Variants in KCNG2 observed in about 807,000 individuals in gnomAD.
The protein encoded by KCNG2 is voltage-gated potassium channel regulatory subunit KCNG2.
In KCNG2, 7 loss-of-function variants were observed where a neutral mutation model predicts 12.3. The observed-to-expected ratio is 0.57, with a 90% CI of 0.32 to 1.07. KCNG2 has a LOEUF of 1.07. KCNG2 is among the 50% of genes least tolerant of loss of function. The pLI, the probability that KCNG2 is intolerant of heterozygous loss-of-function variation, is 0.04. For missense variants in KCNG2, 703 were observed against 726.0 expected (o/e 0.97, Z 0.36); for synonymous variants, 414 against 351.4 (o/e 1.18, Z -1.99).
At chr18:79,852,609 G>T (rs541411472) in intron 1 of KCNG2, among the ~76,000 whole-genome samples, 1 of 152,248 alleles carries the variant, frequency 6.6e-6, no homozygotes, top group African/African-American at 2.4e-5. Flanking sequence ...TGACAGTGAC[G>T]ATCGCATTCC....
chr18:79,870,727 G>A (rs934782373), intron 3 of KCNG2, among the ~76,000 whole-genome samples: 29 of 152,206 alleles, frequency 1.9e-4, no homozygotes, highest in South Asian at 2.1e-4. Flanking sequence ...AGTATAATTA[G>A]TTATAGATTT....
chr18:79,863,432 G>A (rs957318908), intron 2 of KCNG2, among the ~76,000 whole-genome samples, 196 bp from the exon 3 acceptor site: 2 of 152,238 alleles, frequency 1.3e-5, no homozygotes, highest in Non-Finnish European at 2.9e-5. Flanking sequence ...GGCGGGGTCC[G>A]CTGGACGCTT....
rs1979315148 is a variant in KCNG2 at position 79,863,688 on chromosome 18, C to T, written c.21C>T (p.Ser7=). The change falls in exon 3 of 4, where the codon TCC becomes TCT. Residue 7 remains serine (S), a synonymous_variant. Transcript: ENST00000316249. MEPWPC[S]PGGGGGTRAR... ...TGCGCATGGAGCCATGGCCCTGCTC[C>T]CCGGGCGGCGGCGGCGGGACCCGCG... 3.4e-6 allele frequency: 4 copies of T among 1,186,566 alleles called. No homozygotes were observed. Among genetic ancestry groups the T allele is most frequent in the Admixed American group, 4.8e-5 (1 of 20,940 alleles). 73.5% of individuals were successfully genotyped at this position (1,186,566 alleles called of 1,614,324 possible). A position where few individuals can be genotyped will look rare whatever the true frequency, so the allele number is the denominator to read the frequency against.
At chr18:79,826,399 A>C (rs1337259547) in intron 1 of KCNG2, among the ~76,000 whole-genome samples, 1 of 152,240 alleles carries the variant, frequency 6.6e-6, no homozygotes, top group African/African-American at 2.4e-5. Flanking sequence ...TGCCCACCGC[A>C]CGAAGCTTCA....
chr18:79,899,792 G>C lies in KCNG2; in HGVS notation c.1377G>C (p.Ala459=). The C allele has an allele frequency of 1.4e-6, 2 of 1,439,068 alleles. No homozygotes were observed. The highest frequency in any genetic ancestry group is 9.1e-7 in the Non-Finnish European group (1 of 1,104,798). 89.1% of individuals were successfully genotyped at this position (1,439,068 alleles called of 1,614,324 possible). A position where few individuals can be genotyped will look rare whatever the true frequency, so the allele number is the denominator to read the frequency against. The part of the protein sequence containing the change: ...SAGLADDSAD[A]LWVRAGR ...GCCTGGCCGACGACTCCGCGGATGCGCTGTGGGTGCGGGCAGGGCGCTGAC... is the reference window on the plus strand; with the variant it reads ...GCCTGGCCGACGACTCCGCGGATGCCCTGTGGGTGCGGGCAGGGCGCTGAC... Residue 459 remains alanine, a synonymous_variant, in exon 4 of 4, where the codon GCG becomes GCC. Coordinates refer to ENST00000316249, the MANE Select transcript of KCNG2 (RefSeq NM_012283.2).
At chr18:79,842,195 G>A (rs1291244814) in intron 1 of KCNG2, among the ~76,000 whole-genome samples, 5 of 152,118 alleles carry the variant, frequency 3.3e-5, no homozygotes, top group African/African-American at 4.8e-5. Context: ...CCCAGATACC[G>A]CCTACTCATG....
intron 1 of KCNG2, among the ~76,000 whole-genome samples, chr18:79,811,435 T>C (rs1041809256): frequency 6.6e-6 from 1 of 152,238 alleles, no homozygotes; most frequent in East Asian, 1.9e-4. Context: ...TGTGGTCAGC[T>C]GACTTTTGAT....
chr18:79,871,134 G>A (rs540128119), intron 3 of KCNG2, among the ~76,000 whole-genome samples: 1 of 152,328 alleles, frequency 6.6e-6, no homozygotes, highest in Admixed American at 6.5e-5. Flanking sequence ...GCACTGGGGA[G>A]GGTCAGCCTT....
intron 3 of KCNG2, among the ~76,000 whole-genome samples, chr18:79,890,303 T>A (rs982253642): frequency 6.6e-6 from 1 of 152,146 alleles, no homozygotes; most frequent in African/African-American, 2.4e-5. Flanking sequence ...ATGAATAAAA[T>A]TTTTTTAATT....
intron 3 of KCNG2, among the ~76,000 whole-genome samples, chr18:79,887,379 G>A (rs1397600588): frequency 6.6e-6 from 1 of 152,020 alleles, no homozygotes; most frequent in Non-Finnish European, 1.5e-5. Flanking sequence ...TCAGAGCCAC[G>A]GGGCTGCCTT....
intron 3 of KCNG2, among the ~76,000 whole-genome samples, chr18:79,870,063 C>T (rs537976484): frequency 4.6e-5 from 7 of 152,336 alleles, no homozygotes; most frequent in African/African-American, 1.4e-4. Context: ...GGGCACCGCT[C>T]GTGCTCCCCA....
At chr18:79,805,412 G>A (rs2087441814) in intron 1 of KCNG2, among the ~76,000 whole-genome samples, 1 of 152,222 alleles carries the variant, frequency 6.6e-6, no homozygotes, top group Non-Finnish European at 1.5e-5. Flanking sequence ...CGGCACCTGC[G>A]GAGCTTCCTC....
Position 79,863,669 on chromosome 18 carries a change from T to TGGAGCC in KCNG2, c.3_8dup (p.Glu2_Pro3dup). ...CCTCGGTCCGGTCCGGCCCTGCGCA[T>TGGAGCC]GGAGCCATGGCCCTGCTCCCCGGGC... On this transcript the variant is annotated inframe_insertion, in exon 3 of 4. Transcript: ENST00000316249. 4.1e-6 allele frequency: 5 copies of TGGAGCC among 1,209,340 alleles called. No homozygotes were observed. Among genetic ancestry groups the TGGAGCC allele is most frequent in the Non-Finnish European group, 4.1e-6 (4 of 972,804 alleles). The allele number at this position is 1,209,340 out of a possible 1,614,324, so 74.9% of individuals were successfully genotyped here.
At chr18:79,879,396 T>TG (rs1980205020) in intron 3 of KCNG2, among the ~76,000 whole-genome samples, 1 of 151,914 alleles carries the variant, frequency 6.6e-6, no homozygotes, top group Non-Finnish European at 1.5e-5. Context: ...AGGATAGACA[T>TG]GGGGCTTGGG....
At position 79,899,009 on chromosome 18, in the gene KCNG2, G is replaced by GC. The variant is rs780906367; in HGVS notation, c.625-26dup. The GC allele has an allele frequency of 8.2e-6, 12 of 1,464,634 alleles. No individual in the cohort carries two copies. In the Middle Eastern group the frequency reaches 5.6e-4, roughly 68 times the overall value. The allele number at this position is 1,464,634 out of a possible 1,614,324, so 90.7% of individuals were successfully genotyped here. Reference sequence around the variant, plus strand: ...GCCCCCGGCCCTCCAAGAGGCCTGCGCCCCCAACCCCGTGTCCCCTCTCCC... The same window carrying GC: ...GCCCCCGGCCCTCCAAGAGGCCTGCGCCCCCCAACCCCGTGTCCCCTCTCCC... On this transcript the variant is annotated intron_variant, in intron 3 of 3. Coordinates refer to ENST00000316249, the MANE Select transcript of KCNG2 (RefSeq NM_012283.2).
In KCNG2 at chr18:79,803,456, G is replaced by C. The variant is rs2087426395; in HGVS notation, c.-115+5442G>C. 6.6e-6 allele frequency among the ~76,000 whole-genome samples: 1 copy of C among 152,246 alleles called. No homozygotes were observed. The highest frequency in any genetic ancestry group is 1.5e-5 in the Non-Finnish European group (1 of 68,050). On this transcript the variant is annotated intron_variant, in intron 1 of 3. Transcript: ENST00000316249. The surrounding 1 kb of genome is among the most constrained non-coding windows in gnomAD (Gnocchi z 4.5). ...CTAGAAGAGGGAAGATAGGAAATAT[G>C]TATCATTGGCTTCTTTAATACTTGC...
chr18:79,899,716 C>T lies in KCNG2; in HGVS notation c.1301C>T (p.Thr434Met), dbSNP rs377484468. The T allele has an allele frequency of 2.7e-5, 44 of 1,603,634 alleles. No individual in the cohort carries two copies. The highest frequency in any genetic ancestry group is 3.4e-5 in the Non-Finnish European group (40 of 1,177,294). The part of the protein sequence containing the change: ...SPEPALQEDS[T>M]HSATATEDSS... The stretch of plus-strand genomic sequence containing the variant: ...GAGCCGGCCCTGCAGGAGGACAGCA[C>T]GCACTCGGCCACAGCCACCGAGGAC... The change falls in exon 4 of 4, where the codon ACG becomes ATG. Residue 434 changes from threonine to methionine, a missense_variant. By Grantham distance (81) the Thr-to-Met change is moderately conservative (BLOSUM62 -1). Coordinates refer to ENST00000316249, the MANE Select transcript of KCNG2 (RefSeq NM_012283.2).
intron 1 of KCNG2, among the ~76,000 whole-genome samples, chr18:79,832,283 C>T (rs1224097820): frequency 2.0e-5 from 3 of 149,986 alleles, no homozygotes; most frequent in Non-Finnish European, 3.0e-5. Context: ...TTCACCTGCC[C>T]TCACCTGCCC....
intron 3 of KCNG2, among the ~76,000 whole-genome samples, chr18:79,888,799 C>T (rs979688083): frequency 3.3e-5 from 5 of 152,064 alleles, no homozygotes; most frequent in African/African-American, 9.7e-5. Flanking sequence ...CTCGGCCTCC[C>T]GAGTAGCTGG....
Sources: allele counts gnomAD v4.1 joint callset (sites outside exome capture counted in the v4.1 genomes callset), GRCh38; gene constraint gnomAD v4.1.1; non-coding constraint Gnocchi (gnomAD v3.1); transcripts MANE v1.5; gene names NCBI Gene and HGNC (gene_info 2026-07-23, HGNC 2026-07-21).